Variants in SLC20A2 observed in about 807,000 individuals in gnomAD.
SLC20A2 encodes the protein sodium-dependent phosphate transporter 2.
A neutral mutation model predicts 61.0 loss-of-function variants in SLC20A2; 30 were observed. That is an observed-to-expected ratio of 0.49 (90% confidence interval 0.37 to 0.67). The LOEUF is 0.67. Ranked by LOEUF, SLC20A2 falls within the 30% of genes least tolerant of loss-of-function variation. The pLI is 0.00. For synonymous variants in SLC20A2, 351 were observed against 353.3 expected (o/e 0.99, Z 0.07); for missense variants, 626 against 866.4 (o/e 0.72, Z 3.48).
At position 42,417,750 on chromosome 8, in the gene SLC20A2, AC is replaced by A; in HGVS notation, c.*52del. On this transcript the variant is annotated 3_prime_UTR_variant, in exon 11 of 11. Transcript: ENST00000520262. ...TGCGGCACGAGCACACATGTCTCCC[AC>A]ACGCCAACACCAGACCATCCCTTTA... 1 of 1,592,000 alleles carries A rather than the reference AC, an allele frequency of 6.3e-7. No homozygotes were observed. The highest frequency in any genetic ancestry group is 8.6e-7 in the Non-Finnish European group (1 of 1,162,074).
chr8:42,505,165 G>C (rs1473177205), upstream of SLC20A2, among the ~76,000 whole-genome samples: 1 of 151,202 alleles, frequency 6.6e-6, no homozygotes, highest in African/African-American at 2.4e-5. Context: ...CTGGAGTGCA[G>C]TGACACAATC....
chr8:42,517,271 G>A (rs1811372522), intron 1 of SLC20A2, among the ~76,000 whole-genome samples: 1 of 151,908 alleles, frequency 6.6e-6, no homozygotes, highest in Non-Finnish European at 1.5e-5. Flanking sequence ...GGGAGGGTGA[G>A]GTGGGAGGAT....
chr8:42,472,684 A>AT lies in SLC20A2; in HGVS notation c.-264-31dup, dbSNP rs1365981842. The AT allele has an allele frequency of 3.0e-6, 1 of 337,192 alleles. No homozygotes were observed. The highest frequency in any genetic ancestry group is 5.5e-6 in the Non-Finnish European group (1 of 181,222). 20.9% of individuals were successfully genotyped at this position (337,192 alleles called of 1,614,324 possible). A position where few individuals can be genotyped will look rare whatever the true frequency, so the allele number is the denominator to read the frequency against. On this transcript the variant is annotated intron_variant, in intron 1 of 10. Coordinates refer to ENST00000520262, the MANE Select transcript of SLC20A2 (RefSeq NM_001257180.2). This position sits in a 1 kb window ranked among gnomAD's most constrained non-coding sequence, Gnocchi z 4.1. ...AGCAGAAAGGAAACAAAAGAAATCA[A>AT]TTATACTCAGCAACCTGTAACAGTT...
upstream of SLC20A2, chr8:42,502,408 T>G (rs1181493267): frequency 2.0e-5 from 3 of 152,240 alleles, no homozygotes; most frequent in African/African-American, 7.2e-5. Flanking sequence ...CCCCAGGGGC[T>G]TAAAAAGCCC....
chr8:42,420,101 G>C (rs935901780), intron 10 of SLC20A2, among the ~76,000 whole-genome samples: 1 of 151,680 alleles, frequency 6.6e-6, no homozygotes, highest in Admixed American at 6.6e-5. Context: ...CAGGAGAATC[G>C]CTTGAACTGG....
chr8:42,478,831 C>T (rs1000774026), intron 1 of SLC20A2, among the ~76,000 whole-genome samples: 1 of 151,904 alleles, frequency 6.6e-6, no homozygotes, highest in African/African-American at 2.4e-5. Flanking sequence ...CATTGCCCCC[C>T]ACCTCCACCA....
chr8:42,453,970 T>A (rs1048369925), intron 5 of SLC20A2, among the ~76,000 whole-genome samples: 2 of 152,168 alleles, frequency 1.3e-5, no homozygotes, highest in African/African-American at 2.4e-5. Context: ...GCGGCCAACT[T>A]AAGGGACTTG....
chr8:42,444,547 C>T, intron 6 of SLC20A2, 99 bp downstream of exon 6: 1 of 900,752 alleles, frequency 1.1e-6, no homozygotes, highest in Non-Finnish European at 1.8e-6. Context: ...GTCACCCACA[C>T]TTCCATTTCC....
chr8:42,461,376 TC>T (rs1327830513), intron 4 of SLC20A2, among the ~76,000 whole-genome samples: 1 of 152,140 alleles, frequency 6.6e-6, no homozygotes, highest in Non-Finnish European at 1.5e-5. Context: ...AAAGAGAGAT[TC>T]CCAACCAATA....
chr8:42,486,898 G>A (rs754718325), intron 1 of SLC20A2, among the ~76,000 whole-genome samples: 9 of 151,632 alleles, frequency 5.9e-5, no homozygotes, highest in East Asian at 5.9e-4. Flanking sequence ...ACAGAGTCTC[G>A]CTCTGTTGCC....
upstream of SLC20A2, chr8:42,501,275 C>T (rs997968749): frequency 6.6e-5 from 10 of 152,192 alleles, no homozygotes; most frequent in East Asian, 1.9e-4. Context: ...AGGACAACAT[C>T]GGTGTCCTCT....
At chr8:42,505,748 G>A (rs894957210), upstream of SLC20A2, among the ~76,000 whole-genome samples, 7 of 151,756 alleles carry the variant, frequency 4.6e-5, no homozygotes, top group African/African-American at 1.2e-4. Context: ...AAACTTAGCC[G>A]GGCACGGTCA....
rs909469408 is a variant in SLC20A2, at chr8:42,437,687, C to A, written c.935-110G>T. 21 of 879,460 alleles carry A rather than the reference C, an allele frequency of 2.4e-5. No homozygotes were observed. The African/African-American group carries it at 2.7e-4, about 12-fold the overall frequency. The allele number at this position is 879,460 out of a possible 1,614,324, so 54.5% of individuals were successfully genotyped here. On this transcript the variant is annotated intron_variant, in intron 7 of 10. Coordinates refer to ENST00000520262, the MANE Select transcript of SLC20A2 (RefSeq NM_001257180.2). This position sits in a 1 kb window ranked among gnomAD's most constrained non-coding sequence, Gnocchi z 6.4. ...AGGGTGGAGTACAATGGCGCAATCT[C>A]GGCTCACTGCAACCTTCGCCTCCCG...
At chr8:42,428,935 G>A in intron 9 of SLC20A2, 93 bp from the exon 10 acceptor site, 1 of 1,015,402 alleles carries the variant, frequency 9.8e-7, no homozygotes, top group Non-Finnish European at 1.4e-6. Flanking sequence ...AACATTCTCT[G>A]GGGTGACTGC....
At chr8:42,526,080 A>C (rs1811914468) in intron 1 of SLC20A2, among the ~76,000 whole-genome samples, 1 of 152,220 alleles carries the variant, frequency 6.6e-6, no homozygotes, top group Non-Finnish European at 1.5e-5. Flanking sequence ...CCAAGAGGGA[A>C]GCACAGAAAC....
In SLC20A2 at chr8:42,437,225, G is replaced by A. The variant is rs1325804746; in HGVS notation, c.1287C>T (p.Arg429=). The change falls in exon 8 of 11, where the codon CGC becomes CGT. Residue 429 remains arginine (R), a synonymous_variant. Transcript: ENST00000520262. The surrounding 1 kb of genome is among the most constrained non-coding windows in gnomAD (Gnocchi z 6.4). ...TACAGTAGCTCGAGTAGCTGTCGTA[G>A]CGCAGCCTCTTCTTGGAGTAGGACA... The part of the protein sequence containing the change: ...DTVSYSKKRL[R]YDSYSSYCNA... 6.2e-7 allele frequency: 1 copy of A among 1,613,828 alleles called. No homozygotes were observed. Among genetic ancestry groups the A allele is most frequent in the South Asian group, 1.1e-5 (1 of 91,090 alleles).
chr8:42,478,984 G>A (rs574112325), intron 1 of SLC20A2, among the ~76,000 whole-genome samples: 48 of 152,236 alleles, frequency 3.2e-4, no homozygotes, highest in African/African-American at 1.1e-3. Flanking sequence ...ATTCAGGGAC[G>A]GGTGATGTCA....
intron 6 of SLC20A2, among the ~76,000 whole-genome samples, chr8:42,443,266 TATATA>T (rs1563462104): frequency 0.23 from 21,107 of 93,074 alleles, 3,801 homozygotes; most frequent in Middle Eastern, 0.33. Context: ...TATTATAGGA[TATATA>T]TATATATATA....
intron 1 of SLC20A2, chr8:42,534,772 T>C (rs1226742095): frequency 6.6e-6 from 1 of 152,126 alleles, no homozygotes; most frequent in African/African-American, 2.4e-5. Context: ...AAAAAGCAAT[T>C]CAGCACACGA....
Sources: allele counts gnomAD v4.1 joint callset (sites outside exome capture counted in the v4.1 genomes callset), GRCh38; gene constraint gnomAD v4.1.1; non-coding constraint Gnocchi (gnomAD v3.1); transcripts MANE v1.5; gene names NCBI Gene and HGNC (gene_info 2026-07-23, HGNC 2026-07-21).